B3GALT1: variants seen among roughly 807,000 people sequenced by gnomAD.
B3GALT1 encodes the protein UDP-Gal:betaGlcNAc beta 1,3-galactosyltransferase, polypeptide 1.
A neutral mutation model predicts 23.2 loss-of-function variants in B3GALT1; 10 were observed. That is an observed-to-expected ratio of 0.43 (90% CI 0.27 to 0.73). The LOEUF (loss-of-function observed/expected upper bound fraction) is 0.73, where lower values mean the gene tolerates loss of function less well. Among genes scored for constraint, B3GALT1 ranks in the 30% least tolerant of loss-of-function variants. B3GALT1 has a pLI of 0.21. For missense variants in B3GALT1, 299 were observed against 405.4 expected (o/e 0.74, Z 2.25); for synonymous variants, 156 against 141.5 (o/e 1.10, Z -0.73).
Position 167,871,452 on chromosome 2 carries a change from C to T in B3GALT1, c.*1432C>T, listed in dbSNP as rs964965885. The stretch of plus-strand genomic sequence containing the variant: ...AATAAAGATCAGCTGTGAACTATCA[C>T]TGCACCTAATTCTACCAAGGCTTGA... On this transcript the variant is annotated 3_prime_UTR_variant, in exon 5 of 5. Transcript: ENST00000392690. 6.6e-6 allele frequency: 1 copy of T among 152,146 alleles called. No homozygotes were observed. The highest frequency in any genetic ancestry group is 6.5e-5 in the Admixed American group (1 of 15,272). 9.4% of individuals were successfully genotyped at this position (152,146 alleles called of 1,614,324 possible). A position where few individuals can be genotyped will look rare whatever the true frequency, so the allele number is the denominator to read the frequency against.
chr2:167,838,745 T>C (rs1328536050), intron 4 of B3GALT1, among the ~76,000 whole-genome samples: 1 of 152,260 alleles, frequency 6.6e-6, no homozygotes, highest in Non-Finnish European at 1.5e-5. Context: ...TTTAGACCAA[T>C]ATCCTTGATG....
intron 2 of B3GALT1, among the ~76,000 whole-genome samples, chr2:167,555,626 A>G (rs1441312113): frequency 6.6e-6 from 1 of 152,186 alleles, no homozygotes; most frequent in Non-Finnish European, 1.5e-5. Flanking sequence ...GACAGGGATG[A>G]CTGTGAAGGG....
intron 2 of B3GALT1, among the ~76,000 whole-genome samples, chr2:167,545,534 T>A (rs775545569): frequency 3.3e-5 from 5 of 152,230 alleles, no homozygotes; most frequent in Non-Finnish European, 5.9e-5. Flanking sequence ...TAACTCATTT[T>A]GGCTTAGGGG....
At position 167,858,088 on chromosome 2, in the gene B3GALT1, C is replaced by T. The variant is rs113160675; in HGVS notation, c.-229-10723C>T. The stretch of plus-strand genomic sequence containing the variant: ...TAATTATGGCTATGTAAATATTATT[C>T]GGAAGGCTATTTAAATCTGGTAGAT... On this transcript the variant is annotated intron_variant, in intron 4 of 4. Coordinates refer to ENST00000392690, the MANE Select transcript of B3GALT1 (RefSeq NM_020981.4). 1.9e-3 allele frequency among the ~76,000 whole-genome samples: 292 copies of T among 152,112 alleles called. 2 individuals are homozygous for T. Among genetic ancestry groups the T allele is most frequent in the African/African-American group, 6.8e-3 (282 of 41,494 alleles).
At chr2:167,320,908 C>T (rs1288388399) in intron 1 of B3GALT1, among the ~76,000 whole-genome samples, 1 of 151,268 alleles carries the variant, frequency 6.6e-6, no homozygotes, top group Non-Finnish European at 1.5e-5. Context: ...ACCGTGAAAA[C>T]AGCATCCCTC....
intron 1 of B3GALT1, among the ~76,000 whole-genome samples, chr2:167,312,177 A>G (rs1293816803): frequency 6.6e-6 from 1 of 152,034 alleles, no homozygotes; most frequent in African/African-American, 2.4e-5. Context: ...GAGTTACTTT[A>G]TGTAGTAGGA....
chr2:167,528,673 C>G (rs146024887), intron 2 of B3GALT1, among the ~76,000 whole-genome samples: 8 of 152,262 alleles, frequency 5.3e-5, no homozygotes, highest in Admixed American at 5.2e-4. Context: ...ACTACATGCT[C>G]TATACAGTTT....
chr2:167,529,790 C>G lies in B3GALT1; in HGVS notation c.-410+39513C>G, dbSNP rs908421851. On this transcript the variant is annotated intron_variant, in intron 2 of 4. Coordinates refer to ENST00000392690, the MANE Select transcript of B3GALT1 (RefSeq NM_020981.4). ...TTCTCACCCCTCTTTGTTGCTACCC[C>G]TCTGGTACAAGCCACACCATTTCTC... 2.6e-4 allele frequency among the ~76,000 whole-genome samples: 40 copies of G among 151,872 alleles called. 1 individual carries two copies. Among genetic ancestry groups the G allele is most frequent in the African/African-American group, 9.7e-4 (40 of 41,392 alleles).
At chr2:167,510,734 C>T (rs555855276) in intron 2 of B3GALT1, among the ~76,000 whole-genome samples, 37 of 151,982 alleles carry the variant, frequency 2.4e-4, no homozygotes, top group African/African-American at 5.8e-4. Context: ...GAGCAATTCC[C>T]GTGGAGTAGA....
At chr2:167,376,684 A>G (rs754122222) in intron 1 of B3GALT1, among the ~76,000 whole-genome samples, 1 of 151,960 alleles carries the variant, frequency 6.6e-6, no homozygotes, top group Non-Finnish European at 1.5e-5. Flanking sequence ...ATTCGTTGTA[A>G]TATCACCTTT....
chr2:167,833,897 A>C (rs1174958819), intron 4 of B3GALT1, among the ~76,000 whole-genome samples: 2 of 152,202 alleles, frequency 1.3e-5, no homozygotes, highest in African/African-American at 2.4e-5. Context: ...CCTAGAGTAG[A>C]TAATTTTCCT....
chr2:167,431,033 C>A (rs2105307292), intron 1 of B3GALT1, among the ~76,000 whole-genome samples: 1 of 152,296 alleles, frequency 6.6e-6, no homozygotes, highest in East Asian at 1.9e-4. Flanking sequence ...ACAGAGAATT[C>A]TTTGGCATGA....
At chr2:167,738,378 C>G (rs12997132) in intron 3 of B3GALT1, among the ~76,000 whole-genome samples, 23,218 of 152,114 alleles carry the variant, frequency 0.15, 2,113 homozygotes, top group Non-Finnish European at 0.21. Context: ...AATGAAAGAT[C>G]AAAATCATTT....
chr2:167,580,184 G>C (rs1684458593), intron 2 of B3GALT1, among the ~76,000 whole-genome samples: 1 of 152,044 alleles, frequency 6.6e-6, no homozygotes, highest in Non-Finnish European at 1.5e-5. Flanking sequence ...ATATGCTTGG[G>C]CTCTTACTGA....
intron 1 of B3GALT1, among the ~76,000 whole-genome samples, chr2:167,434,557 C>A (rs1384912624): frequency 6.6e-6 from 1 of 150,568 alleles, no homozygotes; most frequent in Non-Finnish European, 1.5e-5. Context: ...TAACTACAAA[C>A]CATTACCATA....
At chr2:167,651,200 T>C (rs1246571806) in intron 3 of B3GALT1, among the ~76,000 whole-genome samples, 1 of 151,924 alleles carries the variant, frequency 6.6e-6, no homozygotes, top group Non-Finnish European at 1.5e-5. Context: ...CACCTTTGTA[T>C]GAGTATCCAG....
At chr2:167,640,551 T>TC (rs1485747377) in intron 2 of B3GALT1, among the ~76,000 whole-genome samples, 2 of 71,910 alleles carry the variant, frequency 2.8e-5, no homozygotes, top group Non-Finnish European at 6.9e-5. Flanking sequence ...GTTTGATTTT[T>TC]TTTTCCCCCT....
chr2:167,713,693 G>T lies in B3GALT1; in HGVS notation c.-352+66727G>T, dbSNP rs552501167. 2.3e-5 allele frequency: 34 copies of T among 1,480,462 alleles called. No homozygotes were observed. In the African/African-American group the frequency reaches 3.6e-4, roughly 16 times the overall value. 91.7% of individuals were successfully genotyped at this position (1,480,462 alleles called of 1,614,324 possible). ...TGTGGTTCTGGATGTTCAGTAGCAG[G>T]CTCCTTTGAAGGTGGAATCAACCCT... On this transcript the variant is annotated intron_variant, in intron 3 of 4. Coordinates refer to ENST00000392690, the MANE Select transcript of B3GALT1 (RefSeq NM_020981.4).
At chr2:167,750,904 C>T (rs1485893079) in intron 3 of B3GALT1, among the ~76,000 whole-genome samples, 1 of 152,046 alleles carries the variant, frequency 6.6e-6, no homozygotes, top group Non-Finnish European at 1.5e-5. Context: ...AGGATCCAAG[C>T]AGTGAGATGA....
Sources: allele counts gnomAD v4.1 joint callset (sites outside exome capture counted in the v4.1 genomes callset), GRCh38; gene constraint gnomAD v4.1.1; transcripts MANE v1.5; gene names NCBI Gene and HGNC (gene_info 2026-07-23, HGNC 2026-07-21).